The following GABRG3 variants were observed in gnomAD, a reference collection of about 807,000 sequenced individuals.
GABRG3 encodes the protein gamma-aminobutyric acid type A receptor subunit gamma3.
In GABRG3, 25 loss-of-function variants were observed where a neutral mutation model predicts 48.8. The observed-to-expected ratio is 0.51, with a 90% CI of 0.37 to 0.72. The LOEUF is 0.72. Among genes scored for constraint, GABRG3 ranks in the 30% least tolerant of loss-of-function variants. GABRG3 has a pLI of 0.00. For missense variants in GABRG3, 394 were observed against 577.9 expected (o/e 0.68, Z 3.26); for synonymous variants, 227 against 217.6 (o/e 1.04, Z -0.38).
At chr15:27,138,779 T>C (rs1433325977) in intron 3 of GABRG3, among the ~76,000 whole-genome samples, 1 of 152,226 alleles carries the variant, frequency 6.6e-6, no homozygotes, top group African/African-American at 2.4e-5. Flanking sequence ...CTGTTGTGAG[T>C]CCTATATCAT....
At chr15:27,466,178 A>T (rs146431599) in intron 5 of GABRG3, among the ~76,000 whole-genome samples, 1 of 152,326 alleles carries the variant, frequency 6.6e-6, no homozygotes, top group African/African-American at 2.4e-5. Context: ...TAGTTTCTAA[A>T]CAGTGGGCGA....
At chr15:27,009,095 A>T (rs1566907834) in intron 2 of GABRG3, among the ~76,000 whole-genome samples, 1 of 152,114 alleles carries the variant, frequency 6.6e-6, no homozygotes, top group Non-Finnish European at 1.5e-5. Context: ...CGTCTGGAAG[A>T]CACTGCGTCC....
chr15:27,322,346 G>A (rs1024364264), intron 3 of GABRG3, among the ~76,000 whole-genome samples: 6 of 152,068 alleles, frequency 3.9e-5, no homozygotes, highest in Admixed American at 2.6e-4. Context: ...GAAAGAGTAC[G>A]ATCTTGTGTG....
intron 3 of GABRG3, among the ~76,000 whole-genome samples, chr15:27,265,777 T>A (rs77551038): frequency 3.3e-5 from 5 of 152,176 alleles, no homozygotes; most frequent in Non-Finnish European, 7.3e-5. Flanking sequence ...GTTTTCAATT[T>A]TGATGAAGTC....
intron 5 of GABRG3, among the ~76,000 whole-genome samples, chr15:27,452,589 G>T (rs1383885746): frequency 6.6e-6 from 1 of 152,132 alleles, no homozygotes; most frequent in Non-Finnish European, 1.5e-5. Flanking sequence ...CTAGAGAAAA[G>T]AAAATGTTGT....
intron 3 of GABRG3, among the ~76,000 whole-genome samples, chr15:27,167,973 G>A (rs549585865): frequency 2.0e-5 from 3 of 152,264 alleles, no homozygotes; most frequent in East Asian, 1.9e-4. Flanking sequence ...CCCGCTAGGC[G>A]AGCAGAAGTG....
At chr15:27,316,494 G>A (rs1399692417) in intron 3 of GABRG3, among the ~76,000 whole-genome samples, 1 of 151,598 alleles carries the variant, frequency 6.6e-6, no homozygotes, top group Admixed American at 6.6e-5. Context: ...GGGAAGTCAC[G>A]AAGACTACCT....
At chr15:27,344,894 G>A (rs974238917) in intron 5 of GABRG3, among the ~76,000 whole-genome samples, 2 of 151,954 alleles carry the variant, frequency 1.3e-5, no homozygotes, top group East Asian at 1.9e-4. Flanking sequence ...GTACATGCAC[G>A]ATGAGGATTA....
chr15:26,971,642 G>A, intron 1 of GABRG3, 54 bp downstream of exon 1: 3 of 1,504,422 alleles, frequency 2.0e-6, no homozygotes, highest in South Asian at 1.2e-5. Flanking sequence ...CGACAGGGCG[G>A]CGGGGGGCGC....
chr15:27,434,333 T>G (rs72707625), intron 5 of GABRG3, among the ~76,000 whole-genome samples: 2,379 of 152,274 alleles, frequency 0.016, 44 homozygotes, highest in South Asian at 0.079. Flanking sequence ...TAACTTGTCC[T>G]TTGAGAACCG....
chr15:27,302,005 G>A (rs1207196745), intron 3 of GABRG3, among the ~76,000 whole-genome samples: 1 of 151,992 alleles, frequency 6.6e-6, no homozygotes, highest in Non-Finnish European at 1.5e-5. Context: ...TCAGATGAAG[G>A]TAAACTAGGA....
At position 27,358,726 on chromosome 15, in the gene GABRG3, G is replaced by A. The variant is rs143025091; in HGVS notation, c.574+29838G>A. Among the ~76,000 whole-genome samples, 167 of 152,302 alleles carry A rather than the reference G, an allele frequency of 1.1e-3. 1 individual carries two copies. The highest frequency in any genetic ancestry group is 1.9e-3 in the East Asian group (10 of 5,172). On this transcript the variant is annotated intron_variant, in intron 5 of 9. Transcript: ENST00000615808. ...GAAAGTACTGCATAAGAAATGATGC[G>A]TTCCATATTCAAACACACAGATCAA...
chr15:27,443,626 C>G (rs1888855688), intron 5 of GABRG3, among the ~76,000 whole-genome samples: 1 of 152,130 alleles, frequency 6.6e-6, no homozygotes, highest in African/African-American at 2.4e-5. Flanking sequence ...TCCAAAACAC[C>G]TGCATTTTAT....
chr15:27,108,461 G>T (rs1897488314), intron 3 of GABRG3, among the ~76,000 whole-genome samples: 1 of 152,190 alleles, frequency 6.6e-6, no homozygotes, highest in Non-Finnish European at 1.5e-5. Context: ...TTATGGTTCA[G>T]TGCATGGTCT....
chr15:27,365,899 ATAAGT>A (rs1180525465), intron 5 of GABRG3: 4 of 152,244 alleles, frequency 2.6e-5, no homozygotes, highest in Admixed American at 6.5e-5. Flanking sequence ...CAAAAAATAA[ATAAGT>A]TAAATAGTTC....
chr15:26,999,052 T>C (rs545934179), intron 2 of GABRG3, among the ~76,000 whole-genome samples: 202 of 152,178 alleles, frequency 1.3e-3, no homozygotes, highest in African/African-American at 4.5e-3. Context: ...TTAACCACTT[T>C]TTTGACCTGT....
At chr15:27,505,887 G>A (rs1173350668) in intron 6 of GABRG3, among the ~76,000 whole-genome samples, 2 of 152,152 alleles carry the variant, frequency 1.3e-5, no homozygotes, top group African/African-American at 2.4e-5. Flanking sequence ...AGCCTTCTGT[G>A]ATTTGAATGG....
intron 5 of GABRG3, among the ~76,000 whole-genome samples, chr15:27,421,480 C>T (rs1322087079): frequency 5.9e-5 from 9 of 151,300 alleles, no homozygotes; most frequent in Non-Finnish European, 1.2e-4. Context: ...TATTCTAAGG[C>T]GTCCATGGGA....
chr15:27,216,073 T>A (rs1188441092), intron 3 of GABRG3, among the ~76,000 whole-genome samples: 2 of 152,206 alleles, frequency 1.3e-5, no homozygotes, highest in Admixed American at 1.3e-4. Context: ...GATCTCTGCC[T>A]CACTGATGTT....
Sources: allele counts gnomAD v4.1 joint callset (sites outside exome capture counted in the v4.1 genomes callset), GRCh38; gene constraint gnomAD v4.1.1; transcripts MANE v1.5; gene names NCBI Gene and HGNC (gene_info 2026-07-23, HGNC 2026-07-21).